Variants in MICU1 observed in about 807,000 individuals in gnomAD.
The protein encoded by MICU1 is mitochondrial calcium uptake 1.
Under a neutral mutation model 56.8 loss-of-function variants are expected in MICU1, and 45 were observed. The ratio of observed to expected loss-of-function variants is 0.79; its 90% CI spans 0.62 to 1.02. The LOEUF is 1.02. MICU1 is among the 50% of genes least tolerant of loss of function. The probability of loss-of-function intolerance (pLI) is 0.00; values close to 1 mark genes in which losing one functional copy is unlikely to be tolerated. For synonymous variants in MICU1, 186 were observed against 195.1 expected, an observed-to-expected ratio of 0.95 and a Z score of 0.39; for missense variants, 504 against 587.1, an observed-to-expected ratio of 0.86 and a Z score of 1.46.
intron 8 of MICU1, among the ~76,000 whole-genome samples, chr10:72,474,104 A>G (rs564888874): frequency 6.6e-6 from 1 of 151,932 alleles, no homozygotes; most frequent in East Asian, 1.9e-4. Context: ...TAAAAATACA[A>G]AATTAGCCGG....
intron 1 of MICU1, among the ~76,000 whole-genome samples, chr10:72,568,057 G>A (rs1488885140): frequency 6.6e-6 from 1 of 152,022 alleles, no homozygotes; most frequent in Admixed American, 6.6e-5. Flanking sequence ...TCAATGTCTC[G>A]GAGTTAGGTA....
intron 1 of MICU1, among the ~76,000 whole-genome samples, chr10:72,606,082 G>A (rs929308685): frequency 6.8e-6 from 1 of 147,628 alleles, no homozygotes; most frequent in East Asian, 2.0e-4. Flanking sequence ...AGTGAGCCAA[G>A]ATTGCACCAC....
At chr10:72,524,759 T>C (rs1168243602) in intron 5 of MICU1, 4 of 1,230,886 alleles carry the variant, frequency 3.2e-6, no homozygotes, top group East Asian at 3.2e-5. Flanking sequence ...AATCAGAAGA[T>C]GAGAAAAAGA....
chr10:72,383,701 C>T (rs1862796283), intron 10 of MICU1, among the ~76,000 whole-genome samples: 1 of 152,200 alleles, frequency 6.6e-6, no homozygotes, highest in South Asian at 2.1e-4. Flanking sequence ...TCAGCTATAA[C>T]AGAGTCTGAA....
chr10:72,516,197 G>A (rs184834079), intron 5 of MICU1, among the ~76,000 whole-genome samples: 3 of 152,224 alleles, frequency 2.0e-5, no homozygotes, highest in East Asian at 1.9e-4. Flanking sequence ...CAGTGATGAC[G>A]AGCTTTTTTC....
At position 72,410,139 on chromosome 10, in the gene MICU1, T is replaced by C. The variant is rs548563752; in HGVS notation, c.1072-2102A>G. 3.9e-5 allele frequency among the ~76,000 whole-genome samples: 6 copies of C among 152,368 alleles called. 1 individual carries two copies. The South Asian group carries it at 1.2e-3, about 32-fold the overall frequency. On this transcript the variant is annotated intron_variant, in intron 9 of 11. Coordinates refer to ENST00000361114, the MANE Select transcript of MICU1 (RefSeq NM_001195518.2). ...TATGCAGTAGGCATTCTGTTATATA[T>C]GGCTTCTCTCTTTAAGATTTGTTCA...
At chr10:72,426,522 T>G (rs1360768961) in intron 8 of MICU1, among the ~76,000 whole-genome samples, 1 of 151,754 alleles carries the variant, frequency 6.6e-6, no homozygotes, top group African/African-American at 2.4e-5. Context: ...CTTAGCCTTC[T>G]GAGTAGCTGG....
chr10:72,442,954 G>A (rs1250767123), intron 8 of MICU1, among the ~76,000 whole-genome samples: 8 of 151,750 alleles, frequency 5.3e-5, no homozygotes, highest in African/African-American at 9.7e-5. Flanking sequence ...ATGGTGTTTC[G>A]TCATGTTGGC....
intron 1 of MICU1, among the ~76,000 whole-genome samples, chr10:72,584,816 A>T (rs1200225842): frequency 6.6e-6 from 1 of 152,184 alleles, no homozygotes; most frequent in Non-Finnish European, 1.5e-5. Flanking sequence ...TGCTGGGATT[A>T]TACGTGTGAG....
intron 8 of MICU1, among the ~76,000 whole-genome samples, chr10:72,425,059 AAAGTG>A (rs1332956070): frequency 6.6e-6 from 1 of 152,232 alleles, no homozygotes; most frequent in Non-Finnish European, 1.5e-5. Flanking sequence ...ATCCTGAAAC[AAAGTG>A]AAGGACTGAC....
At chr10:72,405,421 A>T (rs190849870) in intron 10 of MICU1, among the ~76,000 whole-genome samples, 6 of 152,102 alleles carry the variant, frequency 3.9e-5, no homozygotes, top group Non-Finnish European at 8.8e-5. Context: ...GAGTTTCACC[A>T]TGTTGGCCAG....
intron 4 of MICU1, among the ~76,000 whole-genome samples, chr10:72,547,157 T>C (rs1355595841): frequency 6.6e-6 from 1 of 151,828 alleles, no homozygotes; most frequent in African/African-American, 2.4e-5. Context: ...CCTCCCAAAG[T>C]GCTGGGATTA....
chr10:72,489,011 G>A (rs947460005), intron 6 of MICU1, among the ~76,000 whole-genome samples: 3 of 152,226 alleles, frequency 2.0e-5, no homozygotes, highest in South Asian at 2.1e-4. Flanking sequence ...TTACAAGGCC[G>A]GGCACTGTAG....
chr10:72,446,076 G>C (rs958573935), intron 8 of MICU1, among the ~76,000 whole-genome samples: 6 of 152,024 alleles, frequency 3.9e-5, no homozygotes, highest in Non-Finnish European at 7.4e-5. Flanking sequence ...CAGAATGAGT[G>C]TCAGTAGCTT....
At chr10:72,547,393 A>G (rs1343037669) in intron 4 of MICU1, among the ~76,000 whole-genome samples, 1 of 151,926 alleles carries the variant, frequency 6.6e-6, no homozygotes, top group Non-Finnish European at 1.5e-5. Flanking sequence ...TATACCTTTC[A>G]TTTCTTTCTA....
chr10:72,392,209 G>T (rs188467927), intron 10 of MICU1: 70 of 152,324 alleles, frequency 4.6e-4, no homozygotes, highest in African/African-American at 1.2e-3. Flanking sequence ...GCGGGGTCGG[G>T]GGGTGGAGGC....
chr10:72,506,907 C>G (rs1867271218), intron 6 of MICU1, among the ~76,000 whole-genome samples: 1 of 152,078 alleles, frequency 6.6e-6, no homozygotes, highest in Non-Finnish European at 1.5e-5. Flanking sequence ...GGGTACTGCT[C>G]CACCGTATGA....
chr10:72,382,508 C>T (rs1478110833), intron 10 of MICU1, among the ~76,000 whole-genome samples: 2 of 152,128 alleles, frequency 1.3e-5, no homozygotes, highest in Admixed American at 1.3e-4. Context: ...GTATTAAAAG[C>T]AGGAAGGAGT....
At chr10:72,615,850 C>T (rs1438581799) in intron 1 of MICU1, among the ~76,000 whole-genome samples, 1 of 152,002 alleles carries the variant, frequency 6.6e-6, no homozygotes, top group African/African-American at 2.4e-5. Context: ...ATTAGCCGGG[C>T]GTGCGGCATG....
Sources: allele counts gnomAD v4.1 joint callset (sites outside exome capture counted in the v4.1 genomes callset), GRCh38; gene constraint gnomAD v4.1.1; transcripts MANE v1.5; gene names NCBI Gene and HGNC (gene_info 2026-07-23, HGNC 2026-07-21).